Variants in KIF26B observed in about 807,000 individuals in gnomAD.
The protein encoded by KIF26B is kinesin family member 26B, also known as kinesin-like protein KIF26B.
In KIF26B, 63 loss-of-function variants were observed where a neutral mutation model predicts 151.2. That is an observed-to-expected ratio of 0.42 (90% CI 0.34 to 0.51). KIF26B has a LOEUF of 0.51. Ranked by LOEUF, KIF26B falls within the 20% of genes least tolerant of loss-of-function variation. The pLI is 0.07. For synonymous variants in KIF26B, 1,357 were observed against 1,262.1 expected (o/e 1.08, Z -1.59); for missense variants, 2,813 against 2,913.6 (o/e 0.97, Z 0.79).
At chr1:245,171,768 T>C (rs1668713692) in intron 2 of KIF26B, among the ~76,000 whole-genome samples, 1 of 152,236 alleles carries the variant, frequency 6.6e-6, no homozygotes. Context: ...TCTTGGGGTC[T>C]GGCCATCCCA....
intron 10 of KIF26B, among the ~76,000 whole-genome samples, chr1:245,678,357 C>T (rs935388285): frequency 3.9e-5 from 6 of 151,994 alleles, no homozygotes; most frequent in Admixed American, 6.6e-5. Flanking sequence ...CTCTACGACG[C>T]GTTCTGGCAC....
rs547424768 is a variant in KIF26B, at chr1:245,552,680, T to G, written c.1350+11730T>G. On this transcript the variant is annotated intron_variant, in intron 5 of 14. Coordinates refer to ENST00000407071, the MANE Select transcript of KIF26B (RefSeq NM_018012.4). ...CAGGCTGGAGTGCAGTGGGGCGATCTTGGCTCCCTGCAACCTCTGCCTGCT... is the reference window on the plus strand; with the variant it reads ...CAGGCTGGAGTGCAGTGGGGCGATCGTGGCTCCCTGCAACCTCTGCCTGCT... 5.3e-3 allele frequency among the ~76,000 whole-genome samples: 797 copies of G among 151,122 alleles called. 5 individuals carry two copies. Among genetic ancestry groups the G allele is most frequent in the Non-Finnish European group, 7.0e-3 (476 of 67,914 alleles).
rs972293307 is a variant in KIF26B, at chr1:245,352,209, G to C, written c.466-14625G>C. On this transcript the variant is annotated intron_variant, in intron 2 of 14. Transcript: ENST00000407071. The surrounding 1 kb of genome is among the most constrained non-coding windows in gnomAD (Gnocchi z 5.0). The stretch of plus-strand genomic sequence containing the variant: ...AACCAAAGTTAAAATTGATTTTAAA[G>C]TGTCTTCTAGGTTTTTATTCTACCA... Among the ~76,000 whole-genome samples the C allele has an allele frequency of 4.6e-5, 7 of 152,284 alleles. No homozygotes were observed. The highest frequency in any genetic ancestry group is 1.3e-4 in the Admixed American group (2 of 15,296).
chr1:245,308,252 T>C lies in KIF26B; in HGVS notation c.466-58582T>C, dbSNP rs113450867. Among the ~76,000 whole-genome samples the C allele has an allele frequency of 6.0e-3, 914 of 152,326 alleles. 11 individuals carry two copies. Among genetic ancestry groups the C allele is most frequent in the African/African-American group, 0.02 (850 of 41,580 alleles). On this transcript the variant is annotated intron_variant, in intron 2 of 14. Coordinates refer to ENST00000407071, the MANE Select transcript of KIF26B (RefSeq NM_018012.4). ...GAGAGGGAGAGGCATGAGAAGGCTG[T>C]GTGGCCTTGTCTTTGAAATACAGAA... is the stretch of plus-strand genomic sequence containing the variant.
chr1:245,301,453 G>A (rs1048095998), intron 2 of KIF26B, among the ~76,000 whole-genome samples: 7 of 152,140 alleles, frequency 4.6e-5, no homozygotes, highest in Admixed American at 3.9e-4. Context: ...CTTCAGCTGC[G>A]TGTTTATAGA....
chr1:245,320,292 TTTATTA>T (rs1671863169), intron 2 of KIF26B, among the ~76,000 whole-genome samples: 1 of 152,232 alleles, frequency 6.6e-6, no homozygotes, highest in East Asian at 1.9e-4. Context: ...CCTTTACTAC[TTTATTA>T]TTATTATTTT....
At chr1:245,596,849 A>G (rs2043340385) in intron 5 of KIF26B, among the ~76,000 whole-genome samples, 1 of 152,218 alleles carries the variant, frequency 6.6e-6, no homozygotes, top group South Asian at 2.1e-4. Flanking sequence ...TAGGATCATT[A>G]GCTCTGCTTG....
At chr1:245,387,145 T>A (rs572390151) in intron 3 of KIF26B, among the ~76,000 whole-genome samples, 5 of 137,660 alleles carry the variant, frequency 3.6e-5, no homozygotes, top group Non-Finnish European at 7.5e-5. Flanking sequence ...CTGACCTAGG[T>A]TTTTTTTTGT....
chr1:245,490,029 C>T (rs961746336), intron 4 of KIF26B, among the ~76,000 whole-genome samples: 1 of 152,186 alleles, frequency 6.6e-6, no homozygotes, highest in South Asian at 2.1e-4. Context: ...GTTCTTTCCA[C>T]GTCCAAAGCC....
At chr1:245,268,829 G>A (rs1351681248) in intron 2 of KIF26B, among the ~76,000 whole-genome samples, 4 of 152,100 alleles carry the variant, frequency 2.6e-5, no homozygotes, top group East Asian at 3.9e-4. Flanking sequence ...AAACATCCTG[G>A]TTTGCATGGG....
At chr1:245,243,737 G>A (rs536361989) in intron 2 of KIF26B, among the ~76,000 whole-genome samples, 1 of 152,236 alleles carries the variant, frequency 6.6e-6, no homozygotes, top group East Asian at 1.9e-4. Context: ...TGTAGTCCCA[G>A]TTACTCGGGA....
chr1:245,394,004 C>T (rs926998456), intron 3 of KIF26B, among the ~76,000 whole-genome samples: 1 of 152,184 alleles, frequency 6.6e-6, no homozygotes, highest in African/African-American at 2.4e-5. Flanking sequence ...TTAGCTCCAC[C>T]GTTGTCCTCA....
chr1:245,513,352 G>A (rs1305224698), intron 4 of KIF26B, among the ~76,000 whole-genome samples: 1 of 151,922 alleles, frequency 6.6e-6, no homozygotes, highest in Non-Finnish European at 1.5e-5. Flanking sequence ...GATTGACATC[G>A]GGAAAACTGC....
chr1:245,420,659 AG>A (rs1412258313), intron 4 of KIF26B, among the ~76,000 whole-genome samples: 2 of 152,250 alleles, frequency 1.3e-5, no homozygotes, highest in Non-Finnish European at 2.9e-5. Context: ...CAGTTGCAGC[AG>A]TTCTGCCTCA....
chr1:245,276,760 G>C (rs920009060), intron 2 of KIF26B, among the ~76,000 whole-genome samples: 2 of 152,164 alleles, frequency 1.3e-5, no homozygotes, highest in African/African-American at 4.8e-5. Context: ...CTCTTAACTG[G>C]TTTCCGTATT....
In KIF26B at chr1:245,702,721, G is replaced by T; in HGVS notation, c.*115G>T. On this transcript the variant is annotated 3_prime_UTR_variant, in exon 15 of 15. Transcript: ENST00000407071. This position sits in a 1 kb window ranked among gnomAD's most constrained non-coding sequence, Gnocchi z 4.1. ...AGACAATGAATGAGGATGAAGGTTG[G>T]TGGCAAGTCTGGAGCGGGCGTTGAG... 8.0e-7 allele frequency: 1 copy of T among 1,242,328 alleles called. No individual in the cohort carries two copies. The highest frequency in any genetic ancestry group is 1.1e-6 in the Non-Finnish European group (1 of 910,850). 77.0% of individuals were successfully genotyped at this position (1,242,328 alleles called of 1,614,324 possible). A position where few individuals can be genotyped will look rare whatever the true frequency, so the allele number is the denominator to read the frequency against.
chr1:245,177,071 C>T (rs1270805299), intron 2 of KIF26B, among the ~76,000 whole-genome samples: 2 of 152,242 alleles, frequency 1.3e-5, no homozygotes, highest in South Asian at 2.1e-4. Context: ...CTGCTTGCCT[C>T]AGCCTCCTGA....
chr1:245,196,862 C>T (rs1182511667), intron 2 of KIF26B, among the ~76,000 whole-genome samples: 1 of 152,158 alleles, frequency 6.6e-6, no homozygotes, highest in East Asian at 1.9e-4. Flanking sequence ...TTACCCCTAT[C>T]CTCAGAGGTA....
intron 2 of KIF26B, among the ~76,000 whole-genome samples, chr1:245,333,865 G>A (rs1009755318): frequency 6.6e-6 from 1 of 152,186 alleles, no homozygotes; most frequent in African/African-American, 2.4e-5. Context: ...AGGCATGGTG[G>A]TGGGCGCCTG....
Sources: gnomAD v4.1 joint callset for allele counts (sites outside exome capture counted in the v4.1 genomes callset) on GRCh38, gnomAD v4.1.1 for gene constraint, Gnocchi (gnomAD v3.1) non-coding constraint, MANE v1.5 for transcripts, NCBI Gene and HGNC (gene_info 2026-07-23, HGNC 2026-07-21) for gene names.